The following SLC18A2 variants were observed in gnomAD, a reference collection of about 807,000 sequenced individuals.
SLC18A2 encodes solute carrier family 18 member A2.
SLC18A2 carries 33 observed loss-of-function variants against 59.2 expected under a neutral mutation model. That is an observed-to-expected ratio of 0.56 (90% CI 0.42 to 0.75). The LOEUF (loss-of-function observed/expected upper bound fraction) is 0.75, where lower values mean the gene tolerates loss of function less well. Ranked by LOEUF, SLC18A2 falls within the 30% of genes least tolerant of loss-of-function variation. SLC18A2 has a pLI of 0.00. For missense variants in SLC18A2, 569 were observed against 668.6 expected, an observed-to-expected ratio of 0.85 and a Z score of 1.64; for synonymous variants, 228 against 253.5, an observed-to-expected ratio of 0.90 and a Z score of 0.95.
At chr10:117,264,903 A>C (rs1246189559) in intron 10 of SLC18A2, among the ~76,000 whole-genome samples, 2 of 152,170 alleles carry the variant, frequency 1.3e-5, no homozygotes, top group East Asian at 3.9e-4. Context: ...CCAGGTCCCC[A>C]GAGCATGACA....
At chr10:117,242,280 A>G (rs1039895206) in intron 2 of SLC18A2, among the ~76,000 whole-genome samples, 1 of 152,228 alleles carries the variant, frequency 6.6e-6, no homozygotes, top group Non-Finnish European at 1.5e-5. Context: ...TTAGTGAATG[A>G]CTTGAGATGG....
intron 3 of SLC18A2, among the ~76,000 whole-genome samples, chr10:117,251,272 G>T (rs888426109): frequency 1.3e-5 from 2 of 152,206 alleles, no homozygotes; most frequent in Non-Finnish European, 2.9e-5. Flanking sequence ...AACTGTAGTT[G>T]CTGAAAATAA....
chr10:117,258,007 G>C (rs1007242963), intron 10 of SLC18A2, 115 bp downstream of exon 10: 30 of 647,442 alleles, frequency 4.6e-5, no homozygotes, highest in Middle Eastern at 4.2e-4. Flanking sequence ...GATTGCTTCT[G>C]TTTGACTCTT....
intron 9 of SLC18A2, among the ~76,000 whole-genome samples, chr10:117,255,901 C>G (rs1483635992): frequency 6.6e-6 from 1 of 152,220 alleles, no homozygotes; most frequent in East Asian, 1.9e-4. Context: ...GTATGCTGGG[C>G]TCTGCAGAGC....
At chr10:117,271,768 C>T (rs1844430163) in intron 15 of SLC18A2, among the ~76,000 whole-genome samples, 1 of 152,142 alleles carries the variant, frequency 6.6e-6, no homozygotes, top group Non-Finnish European at 1.5e-5. Context: ...ATTTCAGATG[C>T]ATCTTTGCTT....
At chr10:117,255,163 C>T in intron 6 of SLC18A2, 114 bp from the exon 7 acceptor site, 1 of 1,011,584 alleles carries the variant, frequency 9.9e-7, no homozygotes, top group Non-Finnish European at 1.5e-6. Flanking sequence ...GCAGCCACCC[C>T]AAAGCCTTAT....
chr10:117,271,876 G>A (rs1220976057), intron 15 of SLC18A2, among the ~76,000 whole-genome samples: 1 of 152,198 alleles, frequency 6.6e-6, no homozygotes, highest in East Asian at 1.9e-4. Context: ...GTTTAAGGCT[G>A]AATGGAGGTT....
chr10:117,258,692 C>T (rs781297490), intron 10 of SLC18A2, among the ~76,000 whole-genome samples: 1 of 151,920 alleles, frequency 6.6e-6, no homozygotes, highest in Non-Finnish European at 1.5e-5. Flanking sequence ...CAGATTCCAT[C>T]ACCTTCAACG....
intron 10 of SLC18A2, among the ~76,000 whole-genome samples, chr10:117,259,597 C>T (rs1166431995): frequency 1.3e-5 from 2 of 152,208 alleles, no homozygotes; most frequent in African/African-American, 4.8e-5. Flanking sequence ...TTATCCTACA[C>T]TTTGTTGACT....
At chr10:117,253,966 G>A in intron 4 of SLC18A2, 82 bp from the exon 5 acceptor site, 2 of 1,262,470 alleles carry the variant, frequency 1.6e-6, no homozygotes, top group Non-Finnish European at 2.3e-6. Flanking sequence ...CTGGGTTAAG[G>A]GGGGCTTCTG....
In SLC18A2 at chr10:117,270,137, A is replaced by G; in HGVS notation, c.1253A>G (p.Tyr418Cys). ...YLVDLRHVSVYGSVYAIADVA... is the reference protein window; with the variant it reads ...YLVDLRHVSVCGSVYAIADVA... ...GTAGACCTGCGGCACGTGTCCGTCT[A>G]TGGGAGTGTGTACGCCATTGCGGAT... Residue 418 changes from tyrosine to cysteine, a missense_variant, in exon 14 of 16, where the codon TAT (tyrosine) becomes TGT (cysteine). Physicochemically the swap from Tyr to Cys is radical, Grantham distance 194. Around this residue, in one of 2 missense-constraint regions of SLC18A2, gnomAD observed 192 missense variants for 278.8 expected, o/e 0.69. Coordinates refer to ENST00000644641, the MANE Select transcript of SLC18A2 (RefSeq NM_003054.6). 4 of 1,614,220 alleles carry G rather than the reference A, an allele frequency of 2.5e-6. No individual in the cohort carries two copies. Among genetic ancestry groups the G allele is most frequent in the South Asian group, 1.1e-5 (1 of 91,084 alleles).
chr10:117,265,005 T>G (rs1428915387), intron 10 of SLC18A2, among the ~76,000 whole-genome samples: 5 of 152,240 alleles, frequency 3.3e-5, no homozygotes, highest in Admixed American at 3.3e-4. Flanking sequence ...AGGACAAGAA[T>G]CACGTTGTCA....
chr10:117,269,856 C>T lies in SLC18A2; in HGVS notation c.1187-215C>T, dbSNP rs1165196524. ...TTGAGATGATGCTGTGAGAGAACAT[C>T]TGTATACGAGGGGAACCTGACCTCC... On this transcript the variant is annotated intron_variant, in intron 13 of 15. Transcript: ENST00000644641. This position sits in a 1 kb window ranked among gnomAD's most constrained non-coding sequence, Gnocchi z 5.1. 6.6e-6 allele frequency among the ~76,000 whole-genome samples: 1 copy of T among 152,186 alleles called. No individual in the cohort carries two copies. Among genetic ancestry groups the T allele is most frequent in the Non-Finnish European group, 1.5e-5 (1 of 68,042 alleles).
intron 9 of SLC18A2, among the ~76,000 whole-genome samples, chr10:117,256,436 G>T (rs1844231395): frequency 6.6e-6 from 1 of 152,004 alleles, no homozygotes; most frequent in Non-Finnish European, 1.5e-5. Context: ...TGATGTGTTG[G>T]TCTCTGGGGC....
chr10:117,275,150 G>A (rs1052090232), intron 15 of SLC18A2, among the ~76,000 whole-genome samples: 1 of 152,062 alleles, frequency 6.6e-6, no homozygotes, highest in African/African-American at 2.4e-5. Flanking sequence ...GTCTAGTGCC[G>A]CCATTATTTT....
chr10:117,270,026 G>A (rs766052779), intron 13 of SLC18A2, 45 bp from the exon 14 acceptor site: 33 of 1,605,692 alleles, frequency 2.1e-5, no homozygotes, highest in Middle Eastern at 1.7e-4. Flanking sequence ...CCCATTTTGG[G>A]TTTACATCCG....
At position 117,277,444 on chromosome 10, in the gene SLC18A2, G is replaced by T. The variant is rs1451933371; in HGVS notation, c.*178G>T. 3 of 407,202 alleles carry T rather than the reference G, an allele frequency of 7.4e-6. No individual in the cohort carries two copies. Among genetic ancestry groups the T allele is most frequent in the Non-Finnish European group, 4.4e-6 (1 of 229,560 alleles). The allele number at this position is 407,202 out of a possible 1,614,324, so 25.2% of individuals were successfully genotyped here. A position where few individuals can be genotyped will look rare whatever the true frequency, so the allele number is the denominator to read the frequency against. ...TTGCCAACAGCCTTATAAAGAAAAA[G>T]AAGCTTTTCTAGGGGTTTGTATAAA... is the stretch of plus-strand genomic sequence containing the variant. On this transcript the variant is annotated 3_prime_UTR_variant, in exon 16 of 16. Transcript: ENST00000644641.
In SLC18A2 at chr10:117,269,579, T is replaced by C. The variant is rs1844400346; in HGVS notation, c.1187-492T>C. On this transcript the variant is annotated intron_variant, in intron 13 of 15. Coordinates refer to ENST00000644641, the MANE Select transcript of SLC18A2 (RefSeq NM_003054.6). The surrounding 1 kb of genome is among the most constrained non-coding windows in gnomAD (Gnocchi z 5.1). ...TGGTCAAGCCTCGCCTCTCTGAGTATTGGTTTCCTCATCTATAAAATGGGG... is the reference window on the plus strand; with the variant it reads ...TGGTCAAGCCTCGCCTCTCTGAGTACTGGTTTCCTCATCTATAAAATGGGG... 6.6e-6 allele frequency among the ~76,000 whole-genome samples: 1 copy of C among 152,146 alleles called. No individual in the cohort carries two copies. The highest frequency in any genetic ancestry group is 2.4e-5 in the African/African-American group (1 of 41,422).
intron 10 of SLC18A2, among the ~76,000 whole-genome samples, chr10:117,260,027 A>G (rs979448149): frequency 6.6e-6 from 1 of 152,098 alleles, no homozygotes; most frequent in Non-Finnish European, 1.5e-5. Flanking sequence ...TCATCTTTTA[A>G]ACTGCTTATT....
Sources: gnomAD v4.1 joint callset for allele counts (sites outside exome capture counted in the v4.1 genomes callset) on GRCh38, gnomAD v4.1.1 for gene constraint, gnomAD v4.1.1 regional missense constraint, Gnocchi (gnomAD v3.1) non-coding constraint, MANE v1.5 for transcripts, NCBI Gene and HGNC (gene_info 2026-07-23, HGNC 2026-07-21) for gene names.